TENM4: variants seen among roughly 807,000 people sequenced by gnomAD.
TENM4 encodes the protein teneurin-4.
TENM4 carries 82 observed loss-of-function variants against 243.3 expected under a neutral mutation model. The observed-to-expected ratio is 0.34, with a 90% confidence interval of 0.28 to 0.40. The LOEUF is 0.40. Ranked by LOEUF, TENM4 falls within the 10% of genes least tolerant of loss-of-function variation. The pLI, the probability that TENM4 is intolerant of heterozygous loss-of-function variation, is 1.00. For missense variants in TENM4, 3,138 were observed against 3,673.3 expected, an observed-to-expected ratio of 0.85 and a Z score of 3.77; for synonymous variants, 1,412 against 1,456.3, an observed-to-expected ratio of 0.97 and a Z score of 0.69.
At chr11:79,151,633 A>T (rs560031659) in intron 3 of TENM4, among the ~76,000 whole-genome samples, 1 of 152,022 alleles carries the variant, frequency 6.6e-6, no homozygotes, top group East Asian at 1.9e-4. Context: ...TCCCTTACCC[A>T]ATCCCCACAT....
intron 3 of TENM4, among the ~76,000 whole-genome samples, chr11:79,185,996 C>T (rs1181656222): frequency 6.6e-6 from 1 of 152,116 alleles, no homozygotes; most frequent in Non-Finnish European, 1.5e-5. Flanking sequence ...TCCCAATAAC[C>T]TTTCCAAGCA....
intron 32 of TENM4, among the ~76,000 whole-genome samples, chr11:78,666,030 A>G (rs1590923305): frequency 1.4e-5 from 2 of 146,018 alleles, no homozygotes; most frequent in East Asian, 1.9e-4. Flanking sequence ...GGACCCTTGA[A>G]GAAATTTTTG....
intron 4 of TENM4, among the ~76,000 whole-genome samples, chr11:79,135,855 G>A (rs1192507127): frequency 1.3e-5 from 2 of 148,928 alleles, no homozygotes; most frequent in Non-Finnish European, 3.0e-5. Flanking sequence ...ATACAACTCA[G>A]CATTAAAAAA....
chr11:79,315,438 T>C (rs1856787558), intron 1 of TENM4, among the ~76,000 whole-genome samples: 1 of 152,206 alleles, frequency 6.6e-6, no homozygotes. Context: ...TTGCCACATG[T>C]CTTGCAGAGA....
intron 2 of TENM4, among the ~76,000 whole-genome samples, chr11:79,282,929 G>A (rs578053397): frequency 1.6e-3 from 238 of 152,254 alleles, no homozygotes; most frequent in African/African-American, 3.5e-3. Context: ...TGCCCTGCCC[G>A]TAAGGAAATT....
chr11:79,437,822 C>T (rs1859309569), intron 1 of TENM4, among the ~76,000 whole-genome samples: 1 of 152,208 alleles, frequency 6.6e-6, no homozygotes, highest in South Asian at 2.1e-4. Flanking sequence ...CTCCGGGGCG[C>T]CCTCCTTCTT....
At chr11:78,785,435 G>C (rs146293789) in intron 16 of TENM4, among the ~76,000 whole-genome samples, 1 of 152,266 alleles carries the variant, frequency 6.6e-6, no homozygotes, top group African/African-American at 2.4e-5. Flanking sequence ...TGCCTCAGTG[G>C]AAAACCAGGA....
At chr11:79,379,466 C>A (rs1857958179) in intron 1 of TENM4, among the ~76,000 whole-genome samples, 1 of 152,074 alleles carries the variant, frequency 6.6e-6, no homozygotes, top group Non-Finnish European at 1.5e-5. Flanking sequence ...TGACGTGGTT[C>A]AGGGAGAGAT....
intron 4 of TENM4, among the ~76,000 whole-genome samples, chr11:79,072,193 A>C (rs982460842): frequency 1.1e-4 from 16 of 152,166 alleles, no homozygotes; most frequent in African/African-American, 3.6e-4. Flanking sequence ...TAATTAGAAA[A>C]ACATATTATG....
At chr11:79,055,511 G>A (rs1164672083) in intron 6 of TENM4, among the ~76,000 whole-genome samples, 1 of 152,058 alleles carries the variant, frequency 6.6e-6, no homozygotes, top group Admixed American at 6.5e-5. Flanking sequence ...CAAAGTGCTG[G>A]GATTATGGGC....
intron 1 of TENM4, among the ~76,000 whole-genome samples, chr11:79,298,206 C>T (rs1856488237): frequency 6.6e-6 from 1 of 152,032 alleles, no homozygotes; most frequent in Non-Finnish European, 1.5e-5. Flanking sequence ...CTTTTGGAGC[C>T]CTCAGACTGG....
At chr11:78,662,284 T>A (rs1381439389) in intron 32 of TENM4, among the ~76,000 whole-genome samples, 2 of 151,760 alleles carry the variant, frequency 1.3e-5, no homozygotes, top group East Asian at 3.9e-4. Flanking sequence ...CTCTGTCTCC[T>A]GGGTTCAAGC....
intron 6 of TENM4, among the ~76,000 whole-genome samples, chr11:78,991,365 G>T (rs928625269): frequency 6.6e-6 from 1 of 152,148 alleles, no homozygotes; most frequent in Non-Finnish European, 1.5e-5. Flanking sequence ...TGAGAGGTAG[G>T]TTACTCGAAG....
chr11:79,174,391 T>A (rs1458209740), intron 3 of TENM4, among the ~76,000 whole-genome samples: 1 of 152,138 alleles, frequency 6.6e-6, no homozygotes, highest in Non-Finnish European at 1.5e-5. Flanking sequence ...TTCCTCACTA[T>A]CTTTAATTTT....
chr11:79,431,654 A>G (rs1253346865), intron 1 of TENM4, among the ~76,000 whole-genome samples: 2 of 152,344 alleles, frequency 1.3e-5, no homozygotes, highest in African/African-American at 4.8e-5. Flanking sequence ...AGACAAGTGA[A>G]AAATAGCAGC....
intron 2 of TENM4, among the ~76,000 whole-genome samples, chr11:79,261,391 C>T (rs182909903): frequency 3.9e-5 from 6 of 152,292 alleles, no homozygotes; most frequent in Admixed American, 2.0e-4. Context: ...ACTCTGTTCC[C>T]GGTCCCATGC....
intron 6 of TENM4, among the ~76,000 whole-genome samples, chr11:78,948,375 T>A (rs1013940055): frequency 4.0e-5 from 5 of 123,686 alleles, no homozygotes; most frequent in Non-Finnish European, 6.6e-5. Flanking sequence ...CCCAACTGTC[T>A]TTTTTTTTTT....
intron 1 of TENM4, among the ~76,000 whole-genome samples, chr11:79,339,749 A>G (rs1857211685): frequency 6.6e-6 from 1 of 152,194 alleles, no homozygotes; most frequent in Admixed American, 6.5e-5. Flanking sequence ...ATGCAATATC[A>G]AAAGAGAAAG....
chr11:79,431,089 A>G (rs1859158592), intron 1 of TENM4, among the ~76,000 whole-genome samples: 1 of 152,228 alleles, frequency 6.6e-6, no homozygotes, highest in African/African-American at 2.4e-5. Flanking sequence ...AAAACTTAAT[A>G]AAGAAAAAAG....
Sources: allele counts gnomAD v4.1 joint callset (sites outside exome capture counted in the v4.1 genomes callset), GRCh38; gene constraint gnomAD v4.1.1; transcripts MANE v1.5; gene names NCBI Gene and HGNC (gene_info 2026-07-23, HGNC 2026-07-21).